PPP1R37: variants seen among roughly 807,000 people sequenced by gnomAD.
PPP1R37 encodes the protein protein phosphatase 1 regulatory subunit 37, also known as leucine rich repeat containing 68.
In PPP1R37, 21 loss-of-function variants were observed where a neutral mutation model predicts 61.0. The observed-to-expected ratio is 0.34, with a 90% CI of 0.24 to 0.50. PPP1R37 has a LOEUF of 0.50. Ranked by LOEUF, PPP1R37 falls within the 20% of genes least tolerant of loss-of-function variation. The pLI is 0.98. For missense variants in PPP1R37, 910 were observed against 952.7 expected, an observed-to-expected ratio of 0.96 and a Z score of 0.59; for synonymous variants, 443 against 433.5, an observed-to-expected ratio of 1.02 and a Z score of -0.27.
intron 1 of PPP1R37, among the ~76,000 whole-genome samples, chr19:45,101,086 G>C (rs572799962): frequency 6.6e-6 from 1 of 152,368 alleles, no homozygotes; most frequent in East Asian, 1.9e-4. Context: ...TCACAGTCAA[G>C]TGAGGGAGAC....
chr19:45,108,382 G>A (rs1359947039), intron 1 of PPP1R37, among the ~76,000 whole-genome samples: 3 of 148,698 alleles, frequency 2.0e-5, no homozygotes, highest in East Asian at 4.1e-4. Flanking sequence ...GCTAATTTTC[G>A]TATTTTTAGT....
rs1346042359 is a variant in PPP1R37 at position 45,120,084 on chromosome 19, C to G, written c.203-18430C>G. Among the ~76,000 whole-genome samples the G allele has an allele frequency of 2.2e-5, 3 of 135,308 alleles. No individual in the cohort carries two copies. The Admixed American group carries it at 2.5e-4, about 11-fold the overall frequency. The allele number at this position is 135,308 out of a possible 152,430, so 88.8% of individuals were successfully genotyped here. On this transcript the variant is annotated intron_variant, in intron 1 of 12. Coordinates refer to ENST00000221462, the MANE Select transcript of PPP1R37 (RefSeq NM_019121.2). Reference sequence around the variant, plus strand: ...CCAGGCTGGAGTGCAGTGGCGCGATCTCCGCTCACTGCAAGCTCCTCCTCC... The same window carrying G: ...CCAGGCTGGAGTGCAGTGGCGCGATGTCCGCTCACTGCAAGCTCCTCCTCC...
intron 7 of PPP1R37, chr19:45,143,115 G>C (rs529787718): frequency 5.7e-6 from 1 of 174,486 alleles, no homozygotes; most frequent in Non-Finnish European, 1.2e-5. Flanking sequence ...GCTCAGCTCG[G>C]AGGGAGACAC....
At position 45,093,236 on chromosome 19, in the gene PPP1R37, C is replaced by A; in HGVS notation, c.-90C>A. 1 of 1,063,518 alleles carries A rather than the reference C, an allele frequency of 9.4e-7. No homozygotes were observed. Among genetic ancestry groups the A allele is most frequent in the African/African-American group, 1.7e-5 (1 of 59,818 alleles). The allele number at this position is 1,063,518 out of a possible 1,614,324, so 65.9% of individuals were successfully genotyped here. A position where few individuals can be genotyped will look rare whatever the true frequency, so the allele number is the denominator to read the frequency against. ...GCGGCGCCTGAAGCGGCGGCGGAGC[C>A]CATGCCCCGGGACGGCGGGCGGACC... On this transcript the variant is annotated 5_prime_UTR_variant, in exon 1 of 13. Coordinates refer to ENST00000221462, the MANE Select transcript of PPP1R37 (RefSeq NM_019121.2).
intron 1 of PPP1R37, among the ~76,000 whole-genome samples, chr19:45,118,771 T>G (rs954295533): frequency 2.0e-5 from 3 of 152,134 alleles, no homozygotes; most frequent in Non-Finnish European, 4.4e-5. Flanking sequence ...CCTTCCTTCC[T>G]TTAGCCCACG....
chr19:45,114,225 G>T (rs961496572), intron 1 of PPP1R37, among the ~76,000 whole-genome samples: 1 of 152,274 alleles, frequency 6.6e-6, no homozygotes, highest in African/African-American at 2.4e-5. Context: ...GAATCCACCT[G>T]GGGCCACAGG....
At chr19:45,138,258 A>G (rs1026759471) in intron 1 of PPP1R37, among the ~76,000 whole-genome samples, 14 of 151,970 alleles carry the variant, frequency 9.2e-5, no homozygotes, top group African/African-American at 3.4e-4. Flanking sequence ...TTCATTGTGT[A>G]TTTGTGTGAA....
At chr19:45,097,811 C>T (rs1043957142) in intron 1 of PPP1R37, among the ~76,000 whole-genome samples, 2 of 152,084 alleles carry the variant, frequency 1.3e-5, no homozygotes, top group African/African-American at 4.8e-5. Context: ...CTCTTCTCCG[C>T]TTTCCTCAAG....
intron 1 of PPP1R37, among the ~76,000 whole-genome samples, chr19:45,107,849 ATTTTTCCG>A (rs1275146340): frequency 2.6e-5 from 4 of 151,886 alleles, no homozygotes; most frequent in African/African-American, 9.7e-5. Flanking sequence ...TCTGCACTTC[ATTTTTCCG>A]TTTTTTTAGA....
In PPP1R37 at chr19:45,093,547, C is replaced by T. The variant is rs1260699088; in HGVS notation, c.202+20C>T. The T allele has an allele frequency of 1.3e-6, 2 of 1,521,264 alleles. No individual in the cohort carries two copies. Among genetic ancestry groups the T allele is most frequent in the Non-Finnish European group, 1.8e-6 (2 of 1,136,322 alleles). 94.2% of individuals were successfully genotyped at this position (1,521,264 alleles called of 1,614,324 possible). On this transcript the variant is annotated intron_variant, in intron 1 of 12. Coordinates refer to ENST00000221462, the MANE Select transcript of PPP1R37 (RefSeq NM_019121.2). ...GACATGGTAGCTACCGCGGGTGAAGCGGGGGCGGGCTCGAGAGGGACCCGG... is the reference window on the plus strand; with the variant it reads ...GACATGGTAGCTACCGCGGGTGAAGTGGGGGCGGGCTCGAGAGGGACCCGG...
At chr19:45,116,523 C>A (rs950791202) in intron 1 of PPP1R37, among the ~76,000 whole-genome samples, 3 of 152,306 alleles carry the variant, frequency 2.0e-5, no homozygotes, top group Admixed American at 1.3e-4. Context: ...CACGGCCTCT[C>A]AGCAGGCCTG....
At chr19:45,123,585 G>A (rs1229634113) in intron 1 of PPP1R37, among the ~76,000 whole-genome samples, 2 of 152,040 alleles carry the variant, frequency 1.3e-5, no homozygotes, top group African/African-American at 4.8e-5. Context: ...TCCCACAGGT[G>A]TGGCCTCAGA....
intron 1 of PPP1R37, among the ~76,000 whole-genome samples, chr19:45,098,936 T>G (rs546303739): frequency 2.6e-4 from 39 of 152,278 alleles, no homozygotes; most frequent in African/African-American, 8.4e-4. Flanking sequence ...ACCCTGCCAC[T>G]GAGCAGCCAC....
chr19:45,145,595 GGAGGAA>G lies in PPP1R37; in HGVS notation c.1545_1550del (p.Glu519_Glu520del). On this transcript the variant is annotated inframe_deletion, in exon 11 of 13. Transcript: ENST00000221462. Reference sequence around the variant, plus strand: ...CAGACTCAGACTCGGACTCGGATGGGGAGGAAGAGGAGGAAGAGGAAGGGGAGAGGG... The same window carrying G: ...CAGACTCAGACTCGGACTCGGATGGGGAGGAGGAAGAGGAAGGGGAGAGGG... 1.3e-6 allele frequency: 2 copies of G among 1,535,520 alleles called. No homozygotes were observed. The highest frequency in any genetic ancestry group is 1.7e-6 in the Non-Finnish European group (2 of 1,146,704).
At chr19:45,105,862 G>A (rs1465642206) in intron 1 of PPP1R37, among the ~76,000 whole-genome samples, 1 of 152,238 alleles carries the variant, frequency 6.6e-6, no homozygotes, top group Admixed American at 6.5e-5. Flanking sequence ...CAGGCACAGA[G>A]CAGGTGTTCA....
intron 1 of PPP1R37, chr19:45,136,414 C>A (rs1968539617): frequency 6.6e-6 from 1 of 152,204 alleles, no homozygotes; most frequent in African/African-American, 2.4e-5. Context: ...ATAAGTGTCT[C>A]CCCTCAAGTT....
intron 1 of PPP1R37, among the ~76,000 whole-genome samples, chr19:45,125,692 T>C (rs1216457203): frequency 1.3e-5 from 2 of 152,004 alleles, no homozygotes; most frequent in Non-Finnish European, 1.5e-5. Flanking sequence ...GTAACAGAGG[T>C]TGTGGGACGG....
intron 1 of PPP1R37, among the ~76,000 whole-genome samples, chr19:45,134,856 G>T (rs1321440233): frequency 1.3e-5 from 2 of 152,178 alleles, no homozygotes; most frequent in Non-Finnish European, 1.5e-5. Flanking sequence ...CCCTGTAGGT[G>T]CCCAGCTGAA....
At chr19:45,128,658 G>A (rs1015342051) in intron 1 of PPP1R37, 34 of 1,238,100 alleles carry the variant, frequency 2.7e-5, no homozygotes, top group Non-Finnish European at 3.7e-5. Flanking sequence ...CACTGGCTTC[G>A]TGGTGCTCAA....
Sources: allele counts gnomAD v4.1 joint callset (sites outside exome capture counted in the v4.1 genomes callset), GRCh38; gene constraint gnomAD v4.1.1; transcripts MANE v1.5; gene names NCBI Gene and HGNC (gene_info 2026-07-23, HGNC 2026-07-21).